Variants in MPC2 observed in about 807,000 individuals in gnomAD.
MPC2 encodes brain protein 44.
Under a neutral mutation model 19.2 loss-of-function variants are expected in MPC2, and 19 were observed. The observed-to-expected ratio is 0.99, with a 90% CI of 0.69 to 1.45. MPC2 has a LOEUF of 1.45. MPC2 is among the 40% of genes most tolerant of loss of function. The pLI, the probability that MPC2 is intolerant of heterozygous loss-of-function variation, is 0.00. For synonymous variants in MPC2, 61 were observed against 54.3 expected, an observed-to-expected ratio of 1.12 and a Z score of -0.54; for missense variants, 122 against 153.0, an observed-to-expected ratio of 0.80 and a Z score of 1.07.
intron 2 of MPC2, among the ~76,000 whole-genome samples, chr1:167,932,724 G>A (rs1193497343): frequency 2.7e-5 from 4 of 148,552 alleles, no homozygotes; most frequent in Admixed American, 6.8e-5. Context: ...CAGGAGAATC[G>A]CTTGAACCCA....
intron 1 of MPC2, 98 bp from the exon 2 acceptor site, chr1:167,935,996 G>C (rs1671157448): frequency 1.6e-6 from 1 of 642,762 alleles, no homozygotes; most frequent in African/African-American, 1.8e-5. Flanking sequence ...TGCCCGCTGT[G>C]AACCGAAAAG....
In MPC2 at chr1:167,920,068, T is replaced by A. The variant is rs749868549; in HGVS notation, c.258A>T (p.Ser86=). The change falls in exon 5 of 6, where the codon TCA becomes TCT. Residue 86 remains serine (S), a synonymous_variant. Transcript: ENST00000271373. ...TCCAATTTTTTGGAATAATTACAAG[T>A]GAGTATCTTGACCAAATAAACCCTG... is the stretch of plus-strand genomic sequence containing the variant. The part of the protein sequence containing the change: ...MATGFIWSRY[S]LVIIPKNWSL... The A allele has an allele frequency of 6.2e-7, 1 of 1,612,192 alleles. No homozygotes were observed. Among genetic ancestry groups the A allele is most frequent in the South Asian group, 1.1e-5 (1 of 90,754 alleles).
intron 2 of MPC2, among the ~76,000 whole-genome samples, chr1:167,934,337 T>C (rs946919440): frequency 7.2e-5 from 11 of 152,324 alleles, no homozygotes; most frequent in Non-Finnish European, 1.6e-4. Flanking sequence ...AAGGTCAGGG[T>C]TGACTTCACA....
At chr1:167,931,134 G>A (rs889433588) in intron 2 of MPC2, among the ~76,000 whole-genome samples, 1 of 152,180 alleles carries the variant, frequency 6.6e-6, no homozygotes, top group African/African-American at 2.4e-5. Context: ...GTATCACCAT[G>A]TTGGCCAGGC....
At chr1:167,931,152 G>A (rs1381995607) in intron 2 of MPC2, among the ~76,000 whole-genome samples, 2 of 152,080 alleles carry the variant, frequency 1.3e-5, no homozygotes, top group East Asian at 1.9e-4. Flanking sequence ...GGCTGGTCTC[G>A]AACTCCTGAT....
chr1:167,935,638 G>A (rs1414339890), intron 2 of MPC2, 95 bp downstream of exon 2: 5 of 960,550 alleles, frequency 5.2e-6, no homozygotes, highest in African/African-American at 1.6e-5. Context: ...GGCTGTGGAT[G>A]CCTCTAGAGG....
chr1:167,928,242 G>GCCT (rs1214273545), intron 2 of MPC2, among the ~76,000 whole-genome samples: 151 of 151,896 alleles, frequency 9.9e-4, no homozygotes, highest in Non-Finnish European at 1.5e-3. Context: ...CAGCTACTCG[G>GCCT]GAGGCTGAGG....
chr1:167,935,957 G>T, intron 1 of MPC2, 59 bp from the exon 2 acceptor site: 1 of 769,948 alleles, frequency 1.3e-6, no homozygotes, highest in Non-Finnish European at 2.2e-6. Flanking sequence ...TCCGCCTCTC[G>T]CCTGGAGTAC....
intron 4 of MPC2, 101 bp downstream of exon 4, chr1:167,920,445 TG>T: frequency 8.7e-7 from 1 of 1,146,276 alleles, no homozygotes. Context: ...CCTTTGTGTG[TG>T]GGTGTATTTC....
chr1:167,933,802 G>C (rs1356114432), intron 2 of MPC2, among the ~76,000 whole-genome samples: 1 of 152,072 alleles, frequency 6.6e-6, no homozygotes, highest in African/African-American at 2.4e-5. Context: ...CCAACTTGTC[G>C]ATCATAAATA....
At chr1:167,924,193 G>C (rs919565469) in intron 3 of MPC2, among the ~76,000 whole-genome samples, 1 of 152,062 alleles carries the variant, frequency 6.6e-6, no homozygotes, top group Non-Finnish European at 1.5e-5. Context: ...GTTCTAACTA[G>C]CTTAATGTTT....
chr1:167,923,199 T>C (rs753774893), intron 3 of MPC2, among the ~76,000 whole-genome samples: 20 of 152,188 alleles, frequency 1.3e-4, no homozygotes, highest in Non-Finnish European at 5.9e-5. Flanking sequence ...TCTGGGTGTA[T>C]ACTAAGAAGA....
chr1:167,924,850 T>C (rs1182683508), intron 2 of MPC2, among the ~76,000 whole-genome samples: 3 of 152,276 alleles, frequency 2.0e-5, no homozygotes, highest in African/African-American at 7.2e-5. Flanking sequence ...CATACTAGTT[T>C]TACACTCAAG....
intron 2 of MPC2, among the ~76,000 whole-genome samples, chr1:167,925,365 T>C (rs1670707580): frequency 6.7e-6 from 1 of 149,292 alleles, no homozygotes; most frequent in South Asian, 2.1e-4. Context: ...CCAGTAGAGT[T>C]GGAAGCAGTT....
intron 2 of MPC2, 70 bp from the exon 3 acceptor site, chr1:167,924,607 C>T: frequency 8.7e-7 from 1 of 1,147,046 alleles, no homozygotes; most frequent in Non-Finnish European, 1.2e-6. Context: ...TAACAGCTGT[C>T]ACCAAATTTT....
In MPC2 at chr1:167,930,922, G is replaced by A. The variant is rs961465969; in HGVS notation, c.109+4811C>T. Among the ~76,000 whole-genome samples, 14 of 152,334 alleles carry A rather than the reference G, an allele frequency of 9.2e-5. No homozygotes were observed. In the East Asian group the frequency reaches 2.5e-3, roughly 27 times the overall value. On this transcript the variant is annotated intron_variant, in intron 2 of 5. Coordinates refer to ENST00000271373, the MANE Select transcript of MPC2 (RefSeq NM_001143674.4). ...AAGCAGGATAGCACACAAAAAATATGTTAAGTGTTGAACAACTGCATCAAG... is the reference window on the plus strand; with the variant it reads ...AAGCAGGATAGCACACAAAAAATATATTAAGTGTTGAACAACTGCATCAAG...
chr1:167,935,780 T>C lies in MPC2; in HGVS notation c.62A>G (p.Glu21Gly), dbSNP rs1456047189. Residue 21 changes from glutamate (E) to glycine (G), a missense_variant, in exon 2 of 6, where the codon GAG becomes GGG. By Grantham distance (98) the Glu-to-Gly change is moderately conservative (BLOSUM62 -2). Coordinates refer to ENST00000271373, the MANE Select transcript of MPC2 (RefSeq NM_001143674.4). The part of the protein sequence containing the change: ...ATYHRLLDKV[E>G]LMLPEKLRPL... ...CCTCAATTTCTCGGGCAGCATCAGC[T>C]CCACTTTATCGAGGAGCCGGTGGTA... 6.4e-7 allele frequency: 1 copy of C among 1,563,980 alleles called. No individual in the cohort carries two copies. The highest frequency in any genetic ancestry group is 1.9e-5 in the Admixed American group (1 of 52,814).
chr1:167,930,560 G>A (rs1670878662), intron 2 of MPC2, among the ~76,000 whole-genome samples: 1 of 152,158 alleles, frequency 6.6e-6, no homozygotes, highest in Non-Finnish European at 1.5e-5. Context: ...AAAGTCCTAA[G>A]AGAATACCAA....
At chr1:167,933,799 G>A (rs1047934843) in intron 2 of MPC2, among the ~76,000 whole-genome samples, 1 of 152,138 alleles carries the variant, frequency 6.6e-6, no homozygotes, top group Non-Finnish European at 1.5e-5. Flanking sequence ...CCTCCAACTT[G>A]TCGATCATAA....
Sources: allele counts gnomAD v4.1 joint callset (sites outside exome capture counted in the v4.1 genomes callset), GRCh38; gene constraint gnomAD v4.1.1; transcripts MANE v1.5; gene names NCBI Gene and HGNC (gene_info 2026-07-23, HGNC 2026-07-21).